The following TONSL variants were observed in gnomAD, a reference collection of about 807,000 sequenced individuals.
TONSL encodes tonsoku-like protein.
In TONSL, 112 loss-of-function variants were observed where a neutral mutation model predicts 147.1. That is an observed-to-expected ratio of 0.76 (90% confidence interval 0.65 to 0.89). The LOEUF is 0.89. Among genes scored for constraint, TONSL ranks in the 40% least tolerant of loss-of-function variants. TONSL has a pLI of 0.00. For missense variants in TONSL, 1,883 were observed against 1,864.6 expected (o/e 1.01, Z -0.18); for synonymous variants, 868 against 801.5 (o/e 1.08, Z -1.40).
chr8:144,440,263 A>T, intron 10 of TONSL, 53 bp from the exon 11 acceptor site: 1 of 1,555,936 alleles, frequency 6.4e-7, no homozygotes, highest in South Asian at 1.2e-5. Flanking sequence ...GACGCAGAGA[A>T]AGATGGGGAT....
In TONSL at chr8:144,438,564, T is replaced by G. The variant is rs200296277; in HGVS notation, c.1564-4A>C. The G allele has an allele frequency of 6.2e-7, 1 of 1,610,258 alleles. No homozygotes were observed. The highest frequency in any genetic ancestry group is 8.5e-7 in the Non-Finnish European group (1 of 1,178,624). The stretch of plus-strand genomic sequence containing the variant: ...CCATGTCGTTTCGCCGGTTCCACTG[T>G]GGGCACAGCCAACCCAGCACAGGGC... On this transcript the variant is annotated splice_region_variant and splice_polypyrimidine_tract_variant and intron_variant, in intron 12 of 25. Transcript: ENST00000409379.
In TONSL at chr8:144,432,731, C is replaced by A. The variant is rs114170299; in HGVS notation, c.3560-271G>T. 360 of 369,108 alleles carry A rather than the reference C, an allele frequency of 9.8e-4. 2 individuals are homozygous for A. Among genetic ancestry groups the A allele is most frequent in the African/African-American group, 6.2e-3 (295 of 47,792 alleles). 22.9% of individuals were successfully genotyped at this position (369,108 alleles called of 1,614,324 possible). A position where few individuals can be genotyped will look rare whatever the true frequency, so the allele number is the denominator to read the frequency against. The stretch of plus-strand genomic sequence containing the variant: ...CGGTCCTGGGCCACATGCCTCTGCA[C>A]AGTGGGGGTGCCAGGGGAGTGCACT... On this transcript the variant is annotated intron_variant, in intron 22 of 25. Coordinates refer to ENST00000409379, the MANE Select transcript of TONSL (RefSeq NM_013432.5).
At chr8:144,443,345 CT>C in intron 3 of TONSL, 24 bp from the exon 4 acceptor site, 2 of 1,538,966 alleles carry the variant, frequency 1.3e-6, no homozygotes, top group Non-Finnish European at 8.8e-7. Flanking sequence ...GAAGTCACTG[CT>C]GTGAGCCGAC....
At position 144,438,243 on chromosome 8, in the gene TONSL, C is replaced by A. The variant is rs930289799; in HGVS notation, c.1653+228G>T. On this transcript the variant is annotated intron_variant, in intron 13 of 25. Coordinates refer to ENST00000409379, the MANE Select transcript of TONSL (RefSeq NM_013432.5). ...TTTGAAACAGGGTCTCACTGTGTTG[C>A]CCAGGCTGGAGTGCAGTGGCATGAT... is the stretch of plus-strand genomic sequence containing the variant. The A allele has an allele frequency of 2.9e-5, 17 of 590,400 alleles. No individual in the cohort carries two copies. In the African/African-American group the frequency reaches 3.2e-4, roughly 11 times the overall value. 36.6% of individuals were successfully genotyped at this position (590,400 alleles called of 1,614,324 possible). A position where few individuals can be genotyped will look rare whatever the true frequency, so the allele number is the denominator to read the frequency against.
chr8:144,442,459 G>C (rs1823755978), intron 5 of TONSL, 47 bp from the exon 6 acceptor site: 1 of 1,509,438 alleles, frequency 6.6e-7, no homozygotes, highest in Admixed American at 2.1e-5. Context: ...GTCCATGACA[G>C]CTGCTGATGC....
At position 144,435,227 on chromosome 8, in the gene TONSL, G is replaced by A. The variant is rs1823392864; in HGVS notation, c.2853-57C>T. 2.1e-6 allele frequency: 3 copies of A among 1,441,608 alleles called. No homozygotes were observed. In the African/African-American group the frequency reaches 4.3e-5, roughly 21 times the overall value. 89.3% of individuals were successfully genotyped at this position (1,441,608 alleles called of 1,614,324 possible). Reference sequence around the variant, plus strand: ...TGCACACAGCCGGGGTAATGCCCCAGGGACCCGCCATCCCTGCCCAGGGCC... The same window carrying A: ...TGCACACAGCCGGGGTAATGCCCCAAGGACCCGCCATCCCTGCCCAGGGCC... On this transcript the variant is annotated intron_variant, in intron 18 of 25. Transcript: ENST00000409379.
rs2242264 is a variant in TONSL, at chr8:144,442,022, C to G, written c.865+15G>C. 1,587,997 of 1,611,010 alleles carry G rather than the reference C, an allele frequency of 0.99. 784,273 individuals are homozygous for G. Among genetic ancestry groups the G allele is most frequent in the South Asian group, 1 (90,809 of 91,022 alleles). On this transcript the variant is annotated intron_variant, in intron 7 of 25. Coordinates refer to ENST00000409379, the MANE Select transcript of TONSL (RefSeq NM_013432.5). Reference sequence around the variant, plus strand: ...CACACACCTCCCAGGGCCCCATTCGCACCCCCAGGCTCACCATGCTGGAGG... The same window carrying G: ...CACACACCTCCCAGGGCCCCATTCGGACCCCCAGGCTCACCATGCTGGAGG...
intron 13 of TONSL, chr8:144,438,162 A>G (rs1823550506): frequency 2.4e-6 from 1 of 412,608 alleles, no homozygotes; most frequent in South Asian, 3.2e-5. Flanking sequence ...TGGCATCCCA[A>G]AGTGCTGGGA....
In TONSL at chr8:144,440,364, C is replaced by T. The variant is rs996924945; in HGVS notation, c.1277G>A (p.Arg426His). The change falls in exon 10 of 26, where the codon CGT (arginine) becomes CAT (histidine). Residue 426 changes from arginine (R) to histidine (H), a missense_variant. Physicochemically the swap from Arg to His is conservative, Grantham distance 29. Coordinates refer to ENST00000409379, the MANE Select transcript of TONSL (RefSeq NM_013432.5). ...KALSCAQQAQ[R>H]PQLQRQVLQH... The stretch of plus-strand genomic sequence containing the variant: ...GGGCTCTCGCACCTGCAGCTGGGGA[C>T]GCTGGGCCTGCTGGGCACAGCTGAG... 15 of 1,595,916 alleles carry T rather than the reference C, an allele frequency of 9.4e-6. No individual in the cohort carries two copies. Among genetic ancestry groups the T allele is most frequent in the South Asian group, 3.3e-5 (3 of 90,074 alleles).
At chr8:144,444,308 G>A (rs1233359630) in intron 1 of TONSL, 33 bp from the exon 2 acceptor site, 3 of 1,350,474 alleles carry the variant, frequency 2.2e-6, no homozygotes, top group Middle Eastern at 4.9e-4. Flanking sequence ...GGGCCTCCGC[G>A]GCGGGGTCCG....
chr8:144,437,138 C>T (rs763299739), intron 13 of TONSL, 39 bp from the exon 14 acceptor site: 3 of 1,596,126 alleles, frequency 1.9e-6, no homozygotes, highest in Non-Finnish European at 2.6e-6. Flanking sequence ...CCCTGTGTAC[C>T]TCACAGCCTG....
In TONSL at chr8:144,443,895, G is replaced by A. The variant is rs1244786397; in HGVS notation, c.251C>T (p.Pro84Leu). 2.6e-6 allele frequency: 4 copies of A among 1,545,506 alleles called. No homozygotes were observed. Among genetic ancestry groups the A allele is most frequent in the Non-Finnish European group, 3.5e-6 (4 of 1,146,642 alleles). Residue 84 changes from proline (P) to leucine (L), a missense_variant, in exon 3 of 26, where the codon CCG (proline) becomes CTG (leucine). Pro to Leu is a moderately conservative substitution (Grantham distance 98). Transcript: ENST00000409379. ...GGGCGCCCGCACCTGCAAGGCAGCC[G>A]GGTAGTCCTCCATCTCGGCCAGGCG... is the stretch of plus-strand genomic sequence containing the variant. The part of the protein sequence containing the change: ...GERLAEMEDY[P>L]AALQHQHQYL...
chr8:144,435,536 G>C lies in TONSL; in HGVS notation c.2790C>G (p.Pro930=), dbSNP rs757767068. ...AAGQPLGPAP[P]PPIRVRVQVQ... ...CTTGAACTCGAACCCGGATGGGAGG[G>C]GGCGGGGCCGGACCCTGGCAGGTGA... The change falls in exon 18 of 26, where the codon CCC becomes CCG. Residue 930 remains proline (P), a synonymous_variant. Coordinates refer to ENST00000409379, the MANE Select transcript of TONSL (RefSeq NM_013432.5). 1 of 1,551,308 alleles carries C rather than the reference G, an allele frequency of 6.4e-7. No individual in the cohort carries two copies. The highest frequency in any genetic ancestry group is 8.7e-7 in the Non-Finnish European group (1 of 1,147,086).
Position 144,432,289 on chromosome 8 carries a change from G to A in TONSL, c.3731C>T (p.Ala1244Val), listed in dbSNP as rs1554878857. ...GGGTTCTTCCCCACCTCGTACCTTGGCCAGGTATCGGAATACAGGCTCCAT... is the reference window on the plus strand; with the variant it reads ...GGGTTCTTCCCCACCTCGTACCTTGACCAGGTATCGGAATACAGGCTCCAT... ...DLMEPVFRYLAKEGCALAHLT... is the reference protein window; with the variant it reads ...DLMEPVFRYLVKEGCALAHLT... The change falls in exon 23 of 26, where the codon GCC becomes GTC. Residue 1244 changes from alanine (A) to valine (V), a missense_variant. By Grantham distance (64) the Ala-to-Val change is moderately conservative. Coordinates refer to ENST00000409379, the MANE Select transcript of TONSL (RefSeq NM_013432.5). 1.2e-6 allele frequency: 2 copies of A among 1,613,484 alleles called. No individual in the cohort carries two copies. Among genetic ancestry groups the A allele is most frequent in the East Asian group, 2.2e-5 (1 of 44,866 alleles).
intron 25 of TONSL, among the ~76,000 whole-genome samples, 195 bp from the exon 26 acceptor site, chr8:144,429,531 C>A (rs113622236): frequency 6.6e-6 from 1 of 152,244 alleles, no homozygotes; most frequent in Non-Finnish European, 1.5e-5. Context: ...AGCGGTCAGA[C>A]AGGAGGAAGG....
At position 144,440,489 on chromosome 8, in the gene TONSL, G is replaced by T. The variant is rs1823668576; in HGVS notation, c.1165-13C>A. On this transcript the variant is annotated splice_polypyrimidine_tract_variant and intron_variant, in intron 9 of 25. Coordinates refer to ENST00000409379, the MANE Select transcript of TONSL (RefSeq NM_013432.5). ...AGGTCTTGGCCTCCTGGAGCAGGAG[G>T]AAGGACAGGGTCGGGGGCTGCCGCT... 6.3e-7 allele frequency: 1 copy of T among 1,587,150 alleles called. No individual in the cohort carries two copies. The highest frequency in any genetic ancestry group is 8.6e-7 in the Non-Finnish European group (1 of 1,163,064).
At chr8:144,437,347 G>A (rs1372614404) in intron 13 of TONSL, among the ~76,000 whole-genome samples, 1 of 152,242 alleles carries the variant, frequency 6.6e-6, no homozygotes, top group Admixed American at 6.5e-5. Flanking sequence ...TGGGGAGACA[G>A]TGCACCTGGT....
rs1823478679 is a variant in TONSL at position 144,436,754 on chromosome 8, C to T, written c.1890+3G>A. ...CCCTTGCCCTCTGCCCCACCAGGCT[C>T]ACCTTTCGAGTGCGGAGGGTGACGG... On this transcript the variant is annotated splice_donor_region_variant and intron_variant, in intron 15 of 25. Transcript: ENST00000409379. 6.2e-7 allele frequency: 1 copy of T among 1,610,606 alleles called. No individual in the cohort carries two copies. The highest frequency in any genetic ancestry group is 1.3e-5 in the African/African-American group (1 of 74,906).
At chr8:144,431,941 C>T (rs1823217789) in intron 23 of TONSL, among the ~76,000 whole-genome samples, 1 of 151,660 alleles carries the variant, frequency 6.6e-6, no homozygotes, top group Non-Finnish European at 1.5e-5. Flanking sequence ...CAATTCTCTG[C>T]CTCAGCATCC....
Sources: gnomAD v4.1 joint callset for allele counts (sites outside exome capture counted in the v4.1 genomes callset) on GRCh38, gnomAD v4.1.1 for gene constraint, MANE v1.5 for transcripts, NCBI Gene and HGNC (gene_info 2026-07-23, HGNC 2026-07-21) for gene names.